STXBP5L: variants seen among roughly 807,000 people sequenced by gnomAD.
The protein encoded by STXBP5L is syntaxin binding protein 5L, also known as syntaxin-binding protein 5-like.
STXBP5L carries 65 observed loss-of-function variants against 144.5 expected under a neutral mutation model. That is an observed-to-expected ratio of 0.45 (90% CI 0.37 to 0.55). The LOEUF (loss-of-function observed/expected upper bound fraction) is 0.55. STXBP5L is among the 20% of genes least tolerant of loss of function. STXBP5L has a pLI of 0.00. For missense variants in STXBP5L, 1,298 were observed against 1,405.5 expected, an observed-to-expected ratio of 0.92 and a Z score of 1.22; for synonymous variants, 505 against 469.6, an observed-to-expected ratio of 1.08 and a Z score of -0.97.
intron 15 of STXBP5L, among the ~76,000 whole-genome samples, chr3:121,252,480 G>A (rs1251402720): frequency 6.6e-6 from 1 of 152,068 alleles, no homozygotes; most frequent in Non-Finnish European, 1.5e-5. Context: ...ATAATATTTT[G>A]AGAAGTTAAT....
intron 2 of STXBP5L, among the ~76,000 whole-genome samples, chr3:120,937,712 A>G (rs1021537047): frequency 5.9e-5 from 9 of 152,200 alleles, no homozygotes; most frequent in African/African-American, 9.7e-5. Context: ...CAGACTAGAA[A>G]TGGAAATTTC....
At chr3:120,944,084 G>A (rs1674113512) in intron 2 of STXBP5L, among the ~76,000 whole-genome samples, 1 of 151,548 alleles carries the variant, frequency 6.6e-6, no homozygotes, top group African/African-American at 2.4e-5. Flanking sequence ...AAGAGTAGTA[G>A]TTAGTAGAGA....
chr3:121,007,183 A>T (rs1316447673), intron 3 of STXBP5L, among the ~76,000 whole-genome samples: 1 of 152,060 alleles, frequency 6.6e-6, no homozygotes, highest in Non-Finnish European at 1.5e-5. Context: ...TGTATGTTAA[A>T]CTACATTAAT....
At chr3:120,920,220 C>G (rs35147415) in intron 2 of STXBP5L, among the ~76,000 whole-genome samples, 15,070 of 151,624 alleles carry the variant, frequency 0.099, 1,185 homozygotes, top group Admixed American at 0.2. Context: ...AGTATTTAAT[C>G]TGGGTCAGCT....
chr3:121,353,874 T>A (rs1301216402), intron 20 of STXBP5L, among the ~76,000 whole-genome samples: 3 of 152,240 alleles, frequency 2.0e-5, no homozygotes, highest in Non-Finnish European at 4.4e-5. Context: ...GAGATTCTGG[T>A]ACATTGTTCT....
chr3:121,036,466 T>G lies in STXBP5L; in HGVS notation c.288-5234T>G, dbSNP rs534787647. ...TGTCTTCCTTTCCAGCCTGCATGCT[T>G]TTTATTTTTCTCACCTTAATGCACT... On this transcript the variant is annotated intron_variant, in intron 3 of 26. Transcript: ENST00000471454. Among the ~76,000 whole-genome samples the G allele has an allele frequency of 2.4e-4, 37 of 152,288 alleles. No individual in the cohort carries two copies. The South Asian group carries it at 7.5e-3, about 31-fold the overall frequency.
chr3:120,943,032 CT>C (rs1710648843), intron 2 of STXBP5L, among the ~76,000 whole-genome samples: 1 of 151,642 alleles, frequency 6.6e-6, no homozygotes, highest in East Asian at 1.9e-4. Flanking sequence ...CCTTATTCAA[CT>C]TCTTGTTGAA....
intron 22 of STXBP5L, among the ~76,000 whole-genome samples, chr3:121,406,189 C>T (rs979988271): frequency 2.0e-5 from 3 of 151,980 alleles, no homozygotes; most frequent in African/African-American, 4.8e-5. Context: ...TCTGCCGTTA[C>T]CCTTATATAC....
chr3:121,193,825 G>A (rs1272290289), intron 9 of STXBP5L, among the ~76,000 whole-genome samples: 1 of 152,094 alleles, frequency 6.6e-6, no homozygotes, highest in Non-Finnish European at 1.5e-5. Context: ...GCCTGTCATG[G>A]GGTAGGGGTC....
At chr3:121,213,734 A>C (rs947176590) in intron 10 of STXBP5L, among the ~76,000 whole-genome samples, 3 of 152,118 alleles carry the variant, frequency 2.0e-5, no homozygotes, top group African/African-American at 7.2e-5. Context: ...TCATAAAAAG[A>C]GTTAGGGAGG....
chr3:120,943,810 T>C (rs1025748736), intron 2 of STXBP5L, among the ~76,000 whole-genome samples: 4 of 151,416 alleles, frequency 2.6e-5, no homozygotes, highest in African/African-American at 7.3e-5. Flanking sequence ...GAAACAACTG[T>C]TTTCTTCTTC....
chr3:121,008,174 G>A (rs1944491653), intron 3 of STXBP5L, among the ~76,000 whole-genome samples: 1 of 151,838 alleles, frequency 6.6e-6, no homozygotes, highest in Non-Finnish European at 1.5e-5. Context: ...GATTAGTACT[G>A]GGCATCGACG....
At chr3:121,034,965 A>G (rs1946653620) in intron 3 of STXBP5L, among the ~76,000 whole-genome samples, 1 of 152,110 alleles carries the variant, frequency 6.6e-6, no homozygotes, top group South Asian at 2.1e-4. Context: ...TCTCTAATGA[A>G]TAGTGTTGTA....
intron 3 of STXBP5L, 43 bp downstream of exon 3, chr3:120,955,080 A>C: frequency 7.5e-7 from 1 of 1,339,180 alleles, no homozygotes; most frequent in Non-Finnish European, 1.1e-6. Flanking sequence ...AGTAATGCCA[A>C]TTACATTTCT....
At chr3:121,078,391 T>C (rs2042111780) in intron 5 of STXBP5L, among the ~76,000 whole-genome samples, 1 of 152,198 alleles carries the variant, frequency 6.6e-6, no homozygotes, top group African/African-American at 2.4e-5. Flanking sequence ...AGAGTGCCAA[T>C]TGGTGTGTTT....
intron 3 of STXBP5L, 95 bp downstream of exon 3, chr3:120,955,132 TTTA>T: frequency 1.1e-6 from 1 of 875,746 alleles, no homozygotes; most frequent in South Asian, 1.9e-5. Flanking sequence ...CCAAATAAAG[TTTA>T]TTATTTTTTA....
At chr3:121,105,666 G>A (rs1199555659) in intron 5 of STXBP5L, among the ~76,000 whole-genome samples, 1 of 151,106 alleles carries the variant, frequency 6.6e-6, no homozygotes, top group Non-Finnish European at 1.5e-5. Context: ...AATAACTTTT[G>A]ATTTAAAAAA....
intron 19 of STXBP5L, among the ~76,000 whole-genome samples, chr3:121,308,117 G>A (rs182650709): frequency 3.2e-4 from 48 of 152,296 alleles, no homozygotes; most frequent in African/African-American, 1.2e-3. Flanking sequence ...GGAGCAGGGG[G>A]AGGGAGAGCA....
intron 3 of STXBP5L, among the ~76,000 whole-genome samples, chr3:120,977,937 T>A (rs1941274070): frequency 1.3e-5 from 2 of 152,270 alleles, no homozygotes; most frequent in Non-Finnish European, 2.9e-5. Context: ...TGGGCTTCCC[T>A]TTGTGGGTAA....
Sources: gnomAD v4.1 joint callset for allele counts (sites outside exome capture counted in the v4.1 genomes callset) on GRCh38, gnomAD v4.1.1 for gene constraint, MANE v1.5 for transcripts, NCBI Gene and HGNC (gene_info 2026-07-23, HGNC 2026-07-21) for gene names.